The following CXADR variants were observed in gnomAD, a reference collection of about 807,000 sequenced individuals.
The protein encoded by CXADR is coxsackievirus and adenovirus receptor.
CXADR carries 20 observed loss-of-function variants against 40.3 expected under a neutral mutation model. The ratio of observed to expected loss-of-function variants is 0.50; its 90% CI spans 0.35 to 0.72. The LOEUF is 0.72. Ranked by LOEUF, CXADR falls within the 30% of genes least tolerant of loss-of-function variation. The probability of loss-of-function intolerance (pLI) is 0.01; values close to 1 mark genes in which losing one functional copy is unlikely to be tolerated. For missense variants in CXADR, 332 were observed against 449.1 expected, an observed-to-expected ratio of 0.74 and a Z score of 2.36; for synonymous variants, 150 against 161.3, an observed-to-expected ratio of 0.93 and a Z score of 0.53.
chr21:17,608,825 G>GAAAA, the CXADR span: 4 of 763,728 alleles, frequency 5.2e-6, no homozygotes, highest in Non-Finnish European at 5.8e-6. Context: ...TTTAAAATGA[G>GAAAA]TAAGGAGAAA....
chr21:17,546,152 T>C (rs888638078), intron 1 of CXADR, among the ~76,000 whole-genome samples: 1 of 152,212 alleles, frequency 6.6e-6, no homozygotes, highest in Non-Finnish European at 1.5e-5. Context: ...AACTTATTGC[T>C]TAGAAATATT....
At chr21:17,603,414 T>C in the CXADR span, among the ~76,000 whole-genome samples, 1 of 152,112 alleles carries the variant, frequency 6.6e-6, no homozygotes, top group African/African-American at 2.4e-5. Context: ...CCAAAAGCAA[T>C]AAACTTACAC....
intron 7 of CXADR, among the ~76,000 whole-genome samples, chr21:17,580,502 G>C (rs947172031): frequency 6.6e-6 from 1 of 152,106 alleles, no homozygotes; most frequent in Non-Finnish European, 1.5e-5. Context: ...CCAGATACTT[G>C]GGAGGCTGAA....
intron 1 of CXADR, among the ~76,000 whole-genome samples, chr21:17,534,789 C>CTTTTTTTT (rs11427595): frequency 3.8e-5 from 5 of 131,928 alleles, no homozygotes; most frequent in African/African-American, 1.2e-4. Flanking sequence ...TATTTTCTTC[C>CTTTTTTTT]TTTTTTTTTT....
At chr21:17,584,779 C>T (rs1436924316) in intron 7 of CXADR, among the ~76,000 whole-genome samples, 4 of 152,226 alleles carry the variant, frequency 2.6e-5, no homozygotes, top group East Asian at 1.9e-4. Flanking sequence ...TGCAGTGAGC[C>T]GAGATTGCAC....
chr21:17,606,592 G>C, the CXADR span, among the ~76,000 whole-genome samples: 3 of 151,936 alleles, frequency 2.0e-5, no homozygotes, highest in Non-Finnish European at 1.5e-5. Context: ...AGGTGATACA[G>C]GCTCTAAGCT....
At chr21:17,594,411 A>C, downstream of CXADR, 1 of 1,386,730 alleles carries the variant, frequency 7.2e-7, no homozygotes, top group South Asian at 1.4e-5. Context: ...TTAAAGACAA[A>C]CAAAGTTACC....
chr21:17,569,405 G>C lies in CXADR; in HGVS notation c.*3713G>C. The stretch of plus-strand genomic sequence containing the variant: ...GTACATATATCTTTATAACATTCCT[G>C]TGTTTAGTAGTGTAAATGTTCTGGG... On this transcript the variant is annotated 3_prime_UTR_variant, in exon 7 of 7. Transcript: ENST00000284878. 1 of 984,578 alleles carries C rather than the reference G, an allele frequency of 1.0e-6. No homozygotes were observed. Among genetic ancestry groups the C allele is most frequent in the Non-Finnish European group, 1.2e-6 (1 of 829,708 alleles). The allele number at this position is 984,578 out of a possible 1,614,324, so 61.0% of individuals were successfully genotyped here. A position where few individuals can be genotyped will look rare whatever the true frequency, so the allele number is the denominator to read the frequency against.
the CXADR span, chr21:17,604,114 T>C: frequency 4.7e-6 from 6 of 1,279,220 alleles, no homozygotes; most frequent in Non-Finnish European, 6.1e-6. Context: ...ATTATAAAAA[T>C]AAAACCACGA....
At chr21:17,630,641 T>TTCC in the CXADR span, among the ~76,000 whole-genome samples, 1 of 121,856 alleles carries the variant, frequency 8.2e-6, no homozygotes, top group Non-Finnish European at 1.6e-5. Context: ...GACTTCCTTC[T>TTCC]TCCTTCTTCT....
the CXADR span, chr21:17,598,695 A>G: frequency 6.2e-7 from 1 of 1,614,168 alleles, no homozygotes; most frequent in Non-Finnish European, 8.5e-7. Flanking sequence ...CATCTGAAGA[A>G]GAGGATCCTG....
At chr21:17,632,748 A>T in the CXADR span, among the ~76,000 whole-genome samples, 2 of 152,196 alleles carry the variant, frequency 1.3e-5, no homozygotes, top group African/African-American at 4.8e-5. Flanking sequence ...AGGCGCCTGT[A>T]GTCCCAGCTA....
At chr21:17,551,476 C>CT (rs2060967697) in intron 2 of CXADR, among the ~76,000 whole-genome samples, 1 of 152,170 alleles carries the variant, frequency 6.6e-6, no homozygotes, top group Non-Finnish European at 1.5e-5. Flanking sequence ...CTCTCTAGGA[C>CT]AGTATAGGGC....
At chr21:17,579,738 T>C (rs1420982607) in intron 7 of CXADR, among the ~76,000 whole-genome samples, 1 of 152,220 alleles carries the variant, frequency 6.6e-6, no homozygotes, top group East Asian at 1.9e-4. Flanking sequence ...AAAGCAGTCC[T>C]TGAATGGTGA....
intron 1 of CXADR, among the ~76,000 whole-genome samples, chr21:17,540,976 T>C (rs552446718): frequency 1.6e-4 from 25 of 152,330 alleles, no homozygotes; most frequent in Non-Finnish European, 3.4e-4. Flanking sequence ...GACTTTATTT[T>C]GTACAGCAGT....
At position 17,569,091 on chromosome 21, in the gene CXADR, A is replaced by G; in HGVS notation, c.*3399A>G. On this transcript the variant is annotated 3_prime_UTR_variant, in exon 7 of 7. Transcript: ENST00000284878. ...AATATAAAAGGAACTCATTGCATGA[A>G]GTTGACTATCAAATTCTGTGATGTG... 2.0e-6 allele frequency: 2 copies of G among 985,456 alleles called. No homozygotes were observed. The highest frequency in any genetic ancestry group is 2.4e-6 in the Non-Finnish European group (2 of 829,932). The allele number at this position is 985,456 out of a possible 1,614,324, so 61.0% of individuals were successfully genotyped here.
chr21:17,532,308 C>T (rs1386474576), intron 1 of CXADR, among the ~76,000 whole-genome samples: 2 of 152,060 alleles, frequency 1.3e-5, no homozygotes, highest in Non-Finnish European at 2.9e-5. Context: ...AGATTTTTAA[C>T]GTCTCCTATT....
chr21:17,609,648 C>T, the CXADR span, among the ~76,000 whole-genome samples: 2 of 152,208 alleles, frequency 1.3e-5, no homozygotes, highest in African/African-American at 4.8e-5. Flanking sequence ...TCATATGACA[C>T]GGCCAATTCT....
At position 17,532,932 on chromosome 21, in the gene CXADR, C is replaced by A. The variant is rs2060696533; in HGVS notation, c.44-14095C>A. Among the ~76,000 whole-genome samples the A allele has an allele frequency of 5.9e-5, 9 of 152,122 alleles. No homozygotes were observed. In the South Asian group the frequency reaches 1.9e-3, roughly 32 times the overall value. ...TTAGTGAGATAAATTTGAATCTGAA[C>A]CCAGATCTAACTTTAGAACTCCTAC... On this transcript the variant is annotated intron_variant, in intron 1 of 6. Transcript: ENST00000284878.
Sources: gnomAD v4.1 joint callset for allele counts (sites outside exome capture counted in the v4.1 genomes callset) on GRCh38, gnomAD v4.1.1 for gene constraint, MANE v1.5 for transcripts, NCBI Gene and HGNC (gene_info 2026-07-23, HGNC 2026-07-21) for gene names.